DGKB: variants seen among roughly 807,000 people sequenced by gnomAD.
DGKB encodes the protein diacylglycerol kinase beta.
DGKB carries 67 observed loss-of-function variants against 114.3 expected under a neutral mutation model. The ratio of observed to expected loss-of-function variants is 0.59; its 90% CI spans 0.48 to 0.72. The LOEUF (loss-of-function observed/expected upper bound fraction) is 0.72, where lower values mean the gene tolerates loss of function less well. DGKB is among the 30% of genes least tolerant of loss of function. The pLI, the probability that DGKB is intolerant of heterozygous loss-of-function variation, is 0.00. For missense variants in DGKB, 907 were observed against 975.2 expected (o/e 0.93, Z 0.93); for synonymous variants, 398 against 323.1 (o/e 1.23, Z -2.49).
intron 23 of DGKB, among the ~76,000 whole-genome samples, chr7:14,316,612 T>A (rs1463545859): frequency 1.6e-5 from 2 of 126,952 alleles, no homozygotes; most frequent in Non-Finnish European, 3.3e-5. Context: ...AATAGACCAA[T>A]AACAGGATCT....
intron 17 of DGKB, among the ~76,000 whole-genome samples, chr7:14,601,165 T>A (rs1289237704): frequency 2.0e-5 from 3 of 152,142 alleles, no homozygotes; most frequent in Non-Finnish European, 4.4e-5. Context: ...TCCTGAAGGG[T>A]GGCTCTGGTT....
intron 20 of DGKB, among the ~76,000 whole-genome samples, chr7:14,522,709 G>C (rs527765956): frequency 1.1e-4 from 16 of 152,180 alleles, no homozygotes; most frequent in African/African-American, 3.9e-4. Context: ...TTATGCCTTT[G>C]GTTGAATTCT....
At chr7:14,747,705 C>A (rs1723250) in intron 4 of DGKB, among the ~76,000 whole-genome samples, 53,946 of 151,720 alleles carry the variant, frequency 0.36, 13,289 homozygotes, top group African/African-American at 0.69. Context: ...ATTAATGATA[C>A]AAATTGGGTC....
intron 1 of DGKB, among the ~76,000 whole-genome samples, chr7:14,954,895 A>G (rs1786410693): frequency 6.6e-6 from 1 of 152,036 alleles, no homozygotes; most frequent in Non-Finnish European, 1.5e-5. Context: ...CTTTTTATGT[A>G]TATATTTTTT....
intron 23 of DGKB, among the ~76,000 whole-genome samples, chr7:14,253,823 T>C (rs1415835279): frequency 6.6e-6 from 1 of 152,190 alleles, no homozygotes; most frequent in Non-Finnish European, 1.5e-5. Flanking sequence ...CTCCCAAATA[T>C]ACAGTATGTG....
At chr7:14,965,266 T>C (rs1233478012) in intron 1 of DGKB, among the ~76,000 whole-genome samples, 1 of 152,164 alleles carries the variant, frequency 6.6e-6, no homozygotes, top group Non-Finnish European at 1.5e-5. Context: ...TTGTGTACAC[T>C]GTACTTTGAA....
At chr7:14,584,282 G>A (rs969167104) in intron 17 of DGKB, among the ~76,000 whole-genome samples, 1 of 152,080 alleles carries the variant, frequency 6.6e-6, no homozygotes, top group Admixed American at 6.5e-5. Context: ...TATTTCCTGT[G>A]TCTCATTACT....
chr7:14,543,097 A>T (rs1239208107), intron 20 of DGKB, among the ~76,000 whole-genome samples: 1 of 152,202 alleles, frequency 6.6e-6, no homozygotes, highest in Non-Finnish European at 1.5e-5. Flanking sequence ...ATGTATACAC[A>T]ATGATAAGCA....
At chr7:14,671,126 C>A (rs1818890792) in intron 13 of DGKB, among the ~76,000 whole-genome samples, 1 of 151,990 alleles carries the variant, frequency 6.6e-6, no homozygotes, top group Non-Finnish European at 1.5e-5. Flanking sequence ...GTAATGCAAT[C>A]AACTGAATAA....
At chr7:14,589,235 G>T (rs747188225) in intron 17 of DGKB, among the ~76,000 whole-genome samples, 2 of 151,704 alleles carry the variant, frequency 1.3e-5, no homozygotes, top group African/African-American at 4.8e-5. Flanking sequence ...GTTATACATT[G>T]ATTTTATAAA....
At chr7:14,392,382 T>G (rs1242098394) in intron 21 of DGKB, among the ~76,000 whole-genome samples, 1 of 152,234 alleles carries the variant, frequency 6.6e-6, no homozygotes, top group Non-Finnish European at 1.5e-5. Flanking sequence ...TATTTTGTTT[T>G]GTATTGCGTT....
At chr7:14,644,666 G>C (rs192264904) in intron 13 of DGKB, among the ~76,000 whole-genome samples, 1 of 152,092 alleles carries the variant, frequency 6.6e-6, no homozygotes. Context: ...AAGAGAAAAA[G>C]AATTTTTAAA....
In DGKB at chr7:14,613,411, G is replaced by A; in HGVS notation, c.1287C>T (p.Val429=). The change falls in exon 16 of 26, where the codon GTC becomes GTT. Residue 429 remains valine, a splice_region_variant and synonymous_variant. Transcript: ENST00000402815. ...SVTVDGQGLQ[V]TPVPGTHPLL... ...GTGGGTGAGTACCAGGCACAGGAGT[G>A]ACCTATAAGAAAAGTTATATACATG... 2.6e-6 allele frequency: 4 copies of A among 1,548,320 alleles called. No individual in the cohort carries two copies. The highest frequency in any genetic ancestry group is 3.5e-6 in the Non-Finnish European group (4 of 1,140,462).
At chr7:14,801,923 T>TACACACACAC (rs1272968730) in intron 2 of DGKB, among the ~76,000 whole-genome samples, 4 of 109,030 alleles carry the variant, frequency 3.7e-5, no homozygotes, top group African/African-American at 1.8e-4. Flanking sequence ...CATATATACA[T>TACACACACAC]ATACACACAC....
In DGKB at chr7:14,421,191, C is replaced by T. The variant is rs148039402; in HGVS notation, c.1835+56970G>A. On this transcript the variant is annotated intron_variant, in intron 21 of 25. Transcript: ENST00000402815. The stretch of plus-strand genomic sequence containing the variant: ...GGCTCCTGAGCTGCTTGCTTGAGCC[C>T]GCTCCAATTCTGTAGAGGGTATTTT... 1.3e-3 allele frequency among the ~76,000 whole-genome samples: 198 copies of T among 152,098 alleles called. 6 individuals are homozygous for T. In the East Asian group the frequency reaches 0.032, roughly 25 times the overall value.
At chr7:14,586,813 G>A (rs1021908408) in intron 17 of DGKB, among the ~76,000 whole-genome samples, 2 of 151,456 alleles carry the variant, frequency 1.3e-5, no homozygotes, top group Non-Finnish European at 2.9e-5. Flanking sequence ...TTTACAGCAT[G>A]GTTTACTGAG....
chr7:14,577,432 A>G (rs1011089865), intron 19 of DGKB, among the ~76,000 whole-genome samples: 2 of 152,144 alleles, frequency 1.3e-5, no homozygotes, highest in Admixed American at 1.3e-4. Flanking sequence ...TCTGGCTAAC[A>G]CGGTGAAACC....
intron 1 of DGKB, among the ~76,000 whole-genome samples, chr7:14,863,267 C>G (rs904078006): frequency 6.6e-6 from 1 of 151,356 alleles, no homozygotes; most frequent in Non-Finnish European, 1.5e-5. Flanking sequence ...TACCAATTTT[C>G]TTAATATAAT....
chr7:14,268,738 G>A (rs1238380631), intron 23 of DGKB, among the ~76,000 whole-genome samples: 1 of 152,036 alleles, frequency 6.6e-6, no homozygotes, highest in Non-Finnish European at 1.5e-5. Context: ...CTCCTACAAA[G>A]CATAACTTAT....
Sources: allele counts gnomAD v4.1 joint callset (sites outside exome capture counted in the v4.1 genomes callset), GRCh38; gene constraint gnomAD v4.1.1; transcripts MANE v1.5; gene names NCBI Gene and HGNC (gene_info 2026-07-23, HGNC 2026-07-21).